The following TPRG1 variants were observed in gnomAD, a reference collection of about 807,000 sequenced individuals.
The protein encoded by TPRG1 is tumor protein p63-regulated gene 1 protein.
TPRG1 carries 29 observed loss-of-function variants against 29.3 expected under a neutral mutation model. The observed-to-expected ratio is 0.99, with a 90% CI of 0.74 to 1.35. The LOEUF (loss-of-function observed/expected upper bound fraction) is 1.35, where lower values mean the gene tolerates loss of function less well. Ranked by LOEUF, TPRG1 falls within the 40% of genes most tolerant of loss-of-function variation. TPRG1 has a pLI of 0.00. For missense variants in TPRG1, 327 were observed against 335.0 expected, an observed-to-expected ratio of 0.98 and a Z score of 0.19; for synonymous variants, 130 against 116.8, an observed-to-expected ratio of 1.11 and a Z score of -0.73.
chr3:189,111,787 C>T (rs946631231), intron 1 of TPRG1, among the ~76,000 whole-genome samples: 4 of 152,092 alleles, frequency 2.6e-5, no homozygotes, highest in East Asian at 3.9e-4. Context: ...TTTTGGCAAT[C>T]ATGTTACCTA....
intron 3 of TPRG1, among the ~76,000 whole-genome samples, chr3:189,018,934 A>G (rs2152124098): frequency 6.6e-6 from 1 of 152,036 alleles, no homozygotes; most frequent in South Asian, 2.1e-4. Context: ...TTCTCCTTGA[A>G]GAGGTCCTTC....
chr3:189,225,779 G>C (rs7638661), intron 3 of TPRG1, among the ~76,000 whole-genome samples: 145 of 152,310 alleles, frequency 9.5e-4, no homozygotes, highest in African/African-American at 3.3e-3. Flanking sequence ...AAGGAAGCCT[G>C]TGCTTCCAAT....
intron 4 of TPRG1, among the ~76,000 whole-genome samples, chr3:189,058,215 C>T (rs143607779): frequency 4.6e-5 from 7 of 152,116 alleles, no homozygotes; most frequent in Non-Finnish European, 7.4e-5. Flanking sequence ...GAGGTCCCAG[C>T]GATGACAAGT....
chr3:189,157,809 C>G (rs1031153553), intron 5 of TPRG1, among the ~76,000 whole-genome samples: 1 of 152,136 alleles, frequency 6.6e-6, no homozygotes, highest in Non-Finnish European at 1.5e-5. Flanking sequence ...ACCTGTAGGA[C>G]CCATGTGACA....
chr3:189,265,221 A>G (rs1164339666), intron 4 of TPRG1, among the ~76,000 whole-genome samples: 3 of 152,132 alleles, frequency 2.0e-5, no homozygotes, highest in Non-Finnish European at 1.5e-5. Context: ...TGTCAATGTG[A>G]GTTGTGGAAC....
At chr3:189,149,088 C>G (rs1725616820) in intron 4 of TPRG1, among the ~76,000 whole-genome samples, 1 of 152,190 alleles carries the variant, frequency 6.6e-6, no homozygotes, top group Non-Finnish European at 1.5e-5. Flanking sequence ...CTTTTTCTAT[C>G]TCAGCGCTGT....
chr3:189,212,674 T>C (rs1467005662), intron 2 of TPRG1, among the ~76,000 whole-genome samples: 2 of 152,198 alleles, frequency 1.3e-5, no homozygotes, highest in African/African-American at 4.8e-5. Context: ...AAATCACATC[T>C]GATTTAGAGC....
At chr3:189,240,011 A>G (rs1578987463) in intron 4 of TPRG1, among the ~76,000 whole-genome samples, 1 of 152,136 alleles carries the variant, frequency 6.6e-6, no homozygotes, top group Non-Finnish European at 1.5e-5. Context: ...TTGCGGGCAA[A>G]TGTTGATTTT....
chr3:189,009,485 T>C (rs978781804), intron 3 of TPRG1, among the ~76,000 whole-genome samples: 1 of 152,118 alleles, frequency 6.6e-6, no homozygotes, highest in Non-Finnish European at 1.5e-5. Context: ...CGAAATTGGA[T>C]AAGTAAAAAT....
chr3:189,080,879 A>G (rs1377600730), intron 4 of TPRG1, among the ~76,000 whole-genome samples: 2 of 151,706 alleles, frequency 1.3e-5, no homozygotes, highest in African/African-American at 4.8e-5. Context: ...TTGAAGGAAG[A>G]ATGTTTGGCA....
intron 1 of TPRG1, among the ~76,000 whole-genome samples, chr3:189,181,559 G>T (rs6810011): frequency 0.036 from 5,422 of 152,162 alleles, 331 homozygotes; most frequent in African/African-American, 0.12. Context: ...AGTCACCTTT[G>T]CTCTAGTTCC....
chr3:189,166,076 T>C (rs941863684), intron 5 of TPRG1, among the ~76,000 whole-genome samples: 2 of 152,220 alleles, frequency 1.3e-5, no homozygotes, highest in Non-Finnish European at 2.9e-5. Context: ...AAATTAAACA[T>C]AAACTTCTTG....
At chr3:189,176,625 A>T (rs1158436469) in intron 1 of TPRG1, among the ~76,000 whole-genome samples, 3 of 152,240 alleles carry the variant, frequency 2.0e-5, no homozygotes, top group African/African-American at 7.2e-5. Context: ...TTAGGGTGGA[A>T]TGAGGCATTA....
At chr3:189,266,584 G>T (rs1356248259) in intron 4 of TPRG1, among the ~76,000 whole-genome samples, 1 of 152,120 alleles carries the variant, frequency 6.6e-6, no homozygotes, top group African/African-American at 2.4e-5. Flanking sequence ...GATCAAGAAA[G>T]CACATGTGAA....
In TPRG1 at chr3:189,074,896, C is replaced by A. The variant is rs1192812849; in HGVS notation, c.-463+50950C>A. Among the ~76,000 whole-genome samples the A allele has an allele frequency of 4.6e-5, 7 of 151,954 alleles. No individual in the cohort carries two copies. The South Asian group carries it at 1.2e-3, about 27-fold the overall frequency. The stretch of plus-strand genomic sequence containing the variant: ...GCGCGATCTCCGCTCACTGCAAGCT[C>A]CGCCTCCCGGGTTCCCGCCATTCTC... On this transcript the variant is annotated intron_variant, in intron 4 of 10. Coordinates refer to the TPRG1 transcript ENST00000433971.
intron 3 of TPRG1, among the ~76,000 whole-genome samples, chr3:189,235,682 A>G (rs1457501399): frequency 6.6e-6 from 1 of 152,188 alleles, no homozygotes; most frequent in African/African-American, 2.4e-5. Flanking sequence ...TGGTTTTACC[A>G]TGTTTACAAA....
chr3:189,302,109 C>G (rs1450867471), intron 4 of TPRG1, among the ~76,000 whole-genome samples: 5 of 152,154 alleles, frequency 3.3e-5, no homozygotes, highest in Non-Finnish European at 7.4e-5. Context: ...CTTCAAAGTA[C>G]TTAATGCTAT....
intron 1 of TPRG1, among the ~76,000 whole-genome samples, chr3:189,194,819 C>T (rs761520730): frequency 6.6e-6 from 1 of 152,070 alleles, no homozygotes; most frequent in South Asian, 2.1e-4. Flanking sequence ...GGTGCAGTGG[C>T]AACAGTACCC....
At chr3:189,044,036 A>G (rs1409894699) in intron 4 of TPRG1, among the ~76,000 whole-genome samples, 5 of 152,154 alleles carry the variant, frequency 3.3e-5, no homozygotes, top group African/African-American at 1.2e-4. Context: ...TGTGTCTGCT[A>G]CAATAGTAGG....
Sources: gnomAD v4.1 joint callset for allele counts (sites outside exome capture counted in the v4.1 genomes callset) on GRCh38, gnomAD v4.1.1 for gene constraint, MANE v1.5 for transcripts, NCBI Gene and HGNC (gene_info 2026-07-23, HGNC 2026-07-21) for gene names.